STAT3: variants seen among roughly 807,000 people sequenced by gnomAD.
STAT3 encodes the protein DNA-binding protein APRF.
In STAT3, 7 loss-of-function variants were observed where a neutral mutation model predicts 114.3. The ratio of observed to expected loss-of-function variants is 0.06; its 90% CI spans 0.03 to 0.11. The LOEUF (loss-of-function observed/expected upper bound fraction) is 0.11, where lower values mean the gene tolerates loss of function less well. STAT3 is among the 10% of genes least tolerant of loss of function. The probability of loss-of-function intolerance (pLI) is 1.00; values close to 1 mark genes in which losing one functional copy is unlikely to be tolerated. For synonymous variants in STAT3, 331 were observed against 354.5 expected (o/e 0.93, Z 0.74); for missense variants, 364 against 960.9 (o/e 0.38, Z 8.21).
rs1412598894 is a variant in STAT3, at chr17:42,360,771, C to T, written c.-23-12232G>A. Among the ~76,000 whole-genome samples the T allele has an allele frequency of 3.9e-5, 6 of 152,018 alleles. No individual in the cohort carries two copies. In the East Asian group the frequency reaches 1.2e-3, roughly 29 times the overall value. ...CTTGGATTTTGAAGGATCTAGTAGT[C>T]TAGCTGTAACAGACCCACATCTGGA... On this transcript the variant is annotated intron_variant, in intron 1 of 23. Transcript: ENST00000264657.
At position 42,315,313 on chromosome 17, in the gene STAT3, T is replaced by C. The variant is rs1306126370; in HGVS notation, c.*432A>G. The C allele has an allele frequency of 8.0e-6, 3 of 375,046 alleles. No homozygotes were observed. The highest frequency in any genetic ancestry group is 1.5e-5 in the Non-Finnish European group (3 of 202,272). The allele number at this position is 375,046 out of a possible 1,614,324, so 23.2% of individuals were successfully genotyped here. A position where few individuals can be genotyped will look rare whatever the true frequency, so the allele number is the denominator to read the frequency against. ...TAAAAAGTGCAATGCCAGGAGTATG[T>C]AGCTATAGGTGGCCTGTGGCATTTG... is the stretch of plus-strand genomic sequence containing the variant. On this transcript the variant is annotated 3_prime_UTR_variant, in exon 24 of 24. Transcript: ENST00000264657.
chr17:42,342,665 A>G lies in STAT3; in HGVS notation c.372+2894T>C, dbSNP rs537867056. ...TGAAGAAGGTATTGTTATCACTCCCATTGGAGGAACAGAGAGAGTAAAAAT... is the reference window on the plus strand; with the variant it reads ...TGAAGAAGGTATTGTTATCACTCCCGTTGGAGGAACAGAGAGAGTAAAAAT... On this transcript the variant is annotated intron_variant, in intron 4 of 23. Transcript: ENST00000264657. Among the ~76,000 whole-genome samples the G allele has an allele frequency of 9.3e-4, 142 of 152,252 alleles. 1 individual carries two copies. Among genetic ancestry groups the G allele is most frequent in the Admixed American group, 1.8e-3 (27 of 15,276 alleles).
At chr17:42,348,674 C>T (rs2082805816) in intron 1 of STAT3, 135 bp from the exon 2 acceptor site, 1 of 1,020,662 alleles carries the variant, frequency 9.8e-7, no homozygotes, top group African/African-American at 1.6e-5. Flanking sequence ...CTGCTTCTTT[C>T]TCCCAGTTTA....
At chr17:42,339,256 A>C in intron 5 of STAT3, 58 bp downstream of exon 5, 7 of 215,180 alleles carry the variant, frequency 3.3e-5, no homozygotes, top group African/African-American at 2.4e-4. Context: ...ACCCTGTCTC[A>C]AAAAAAAAAA....
chr17:42,313,926 C>A lies in STAT3; in HGVS notation c.*1819G>T. 1 of 232,040 alleles carries A rather than the reference C, an allele frequency of 4.3e-6. No individual in the cohort carries two copies. Among genetic ancestry groups the A allele is most frequent in the Non-Finnish European group, 8.5e-6 (1 of 117,052 alleles). 14.4% of individuals were successfully genotyped at this position (232,040 alleles called of 1,614,324 possible). A position where few individuals can be genotyped will look rare whatever the true frequency, so the allele number is the denominator to read the frequency against. ...GTCGTCTCCCCCTTAATTCAGAGAC[C>A]AGCTAATTTGATTTAACAAACAGAA... is the stretch of plus-strand genomic sequence containing the variant. On this transcript the variant is annotated 3_prime_UTR_variant, in exon 24 of 24. Coordinates refer to ENST00000264657, the MANE Select transcript of STAT3 (RefSeq NM_139276.3).
At chr17:42,334,850 G>C (rs1327621059) in intron 8 of STAT3, among the ~76,000 whole-genome samples, 3 of 152,166 alleles carry the variant, frequency 2.0e-5, no homozygotes, top group Non-Finnish European at 1.5e-5. Context: ...ACCACTAGGA[G>C]GCATTGATGG....
intron 2 of STAT3, 114 bp downstream of exon 2, chr17:42,348,275 T>G: frequency 6.9e-7 from 1 of 1,459,502 alleles, no homozygotes; most frequent in Non-Finnish European, 9.5e-7. Context: ...ATTTTCCCCA[T>G]CACCTGTACC....
At chr17:42,316,368 TG>T in intron 23 of STAT3, 1 of 364,458 alleles carries the variant, frequency 2.7e-6, no homozygotes, top group Non-Finnish European at 5.3e-6. Flanking sequence ...CTTGAGTAGC[TG>T]GGATTACAGG....
At chr17:42,316,477 C>T in intron 23 of STAT3, 1 of 527,974 alleles carries the variant, frequency 1.9e-6, no homozygotes. Flanking sequence ...CCTCGGCCTC[C>T]CAAAGTGCTG....
intron 4 of STAT3, among the ~76,000 whole-genome samples, chr17:42,343,763 C>CT (rs1370270773): frequency 8.6e-5 from 13 of 152,016 alleles, no homozygotes; most frequent in Non-Finnish European, 1.5e-4. Context: ...CAGATCTTTA[C>CT]TTTCATTACA....
At chr17:42,327,634 G>A (rs540751369) in intron 14 of STAT3, among the ~76,000 whole-genome samples, 10 of 152,308 alleles carry the variant, frequency 6.6e-5, no homozygotes, top group African/African-American at 9.6e-5. Flanking sequence ...GAATGGCACC[G>A]TTGGTTTACA....
chr17:42,352,585 G>T (rs2083021666), intron 1 of STAT3, among the ~76,000 whole-genome samples: 1 of 151,090 alleles, frequency 6.6e-6, no homozygotes, highest in Admixed American at 6.6e-5. Flanking sequence ...GCCTCACATG[G>T]AGGTTGCAGT....
At chr17:42,353,355 A>G (rs2083067180) in intron 1 of STAT3, among the ~76,000 whole-genome samples, 1 of 137,092 alleles carries the variant, frequency 7.3e-6, no homozygotes, top group South Asian at 2.5e-4. Context: ...ATCAAAAAAA[A>G]AAAAAAGAAA....
At chr17:42,317,020 A>G (rs1248006412) in intron 22 of STAT3, 119 bp from the exon 23 acceptor site, 1 of 1,556,804 alleles carries the variant, frequency 6.4e-7, no homozygotes. Context: ...CAACAGAAAA[A>G]TAAAAGCTCA....
Position 42,331,493 on chromosome 17 carries a change from T to G in STAT3, c.1088A>C (p.Lys363Thr). The change falls in exon 11 of 24, where the codon AAA becomes ACA. Residue 363 changes from lysine (K) to threonine (T), a missense_variant. Lys to Thr is a moderately conservative substitution (Grantham distance 78, BLOSUM62 -1). Transcript: ENST00000264657. ...VKFPELNYQL[K>T]IKVCIDKDSG... ...TTACTTGTCAATGCACACTTTAATT[T>G]TAAGCTGATAATTCAACTCAGGGAA... 6.2e-7 allele frequency: 1 copy of G among 1,614,034 alleles called. No individual in the cohort carries two copies. Among genetic ancestry groups the G allele is most frequent in the Non-Finnish European group, 8.5e-7 (1 of 1,179,932 alleles).
chr17:42,379,360 T>C (rs2084649062), intron 1 of STAT3, among the ~76,000 whole-genome samples: 1 of 152,194 alleles, frequency 6.6e-6, no homozygotes. Flanking sequence ...GGTTCTTAAC[T>C]GCAACACTGT....
intron 23 of STAT3, 52 bp downstream of exon 23, chr17:42,316,737 A>G: frequency 6.2e-7 from 1 of 1,611,858 alleles, no homozygotes; most frequent in Non-Finnish European, 8.5e-7. Flanking sequence ...AGCATCACAC[A>G]AAGGGGACCA....
At chr17:42,343,181 A>C (rs550738179) in intron 4 of STAT3, among the ~76,000 whole-genome samples, 83 of 151,676 alleles carry the variant, frequency 5.5e-4, no homozygotes, top group Middle Eastern at 3.4e-3. Context: ...AAAAAAAAAA[A>C]AAAAAACAAA....
intron 20 of STAT3, 108 bp downstream of exon 20, chr17:42,322,896 A>T: frequency 6.7e-7 from 1 of 1,495,064 alleles, no homozygotes; most frequent in Non-Finnish European, 9.3e-7. Flanking sequence ...TGAAACAGGG[A>T]GTCAAGGCCA....
Sources: gnomAD v4.1 joint callset for allele counts (sites outside exome capture counted in the v4.1 genomes callset) on GRCh38, gnomAD v4.1.1 for gene constraint, MANE v1.5 for transcripts, NCBI Gene and HGNC (gene_info 2026-07-23, HGNC 2026-07-21) for gene names.